MTUS2: variants seen among roughly 807,000 people sequenced by gnomAD.
MTUS2 encodes microtubule associated scaffold protein 2, also known as microtubule-associated tumor suppressor candidate 2.
Under a neutral mutation model 114.1 loss-of-function variants are expected in MTUS2, and 40 were observed. The ratio of observed to expected loss-of-function variants is 0.35; its 90% CI spans 0.27 to 0.46. The LOEUF is 0.46. MTUS2 is among the 20% of genes least tolerant of loss of function. MTUS2 has a pLI of 1.00. For missense variants in MTUS2, 1,679 were observed against 1,705.4 expected (o/e 0.98, Z 0.27); for synonymous variants, 688 against 672.0 (o/e 1.02, Z -0.37).
In MTUS2 at chr13:29,114,498, T is replaced by C. The variant is rs74968875; in HGVS notation, c.2644+13528T>C. 3.4e-3 allele frequency among the ~76,000 whole-genome samples: 512 copies of C among 152,310 alleles called. 6 individuals carry two copies. The highest frequency in any genetic ancestry group is 0.011 in the African/African-American group (470 of 41,560). On this transcript the variant is annotated intron_variant, in intron 5 of 15. Transcript: ENST00000612955. ...AAGATACCTTCATAGTGTCTAAATA[T>C]AATAGTTTCACTCTATGTAGGTAAA...
intron 5 of MTUS2, among the ~76,000 whole-genome samples, chr13:29,228,707 A>G (rs4769698): frequency 0.85 from 128,959 of 151,752 alleles, 54,904 homozygotes; most frequent in African/African-American, 0.9. Flanking sequence ...AGGGGTGCAG[A>G]GAGAGGAGAG....
chr13:28,862,791 A>G (rs1877072444), intron 2 of MTUS2, among the ~76,000 whole-genome samples: 1 of 152,252 alleles, frequency 6.6e-6, no homozygotes, highest in East Asian at 1.9e-4. Flanking sequence ...AAAATTGAAC[A>G]TGATAGTAAA....
At chr13:29,039,410 C>A (rs1887242345) in intron 4 of MTUS2, among the ~76,000 whole-genome samples, 1 of 152,216 alleles carries the variant, frequency 6.6e-6, no homozygotes, top group African/African-American at 2.4e-5. Context: ...ACCCTCTGGC[C>A]ATAGGGTCCC....
At chr13:29,345,507 T>C (rs1868573045) in intron 7 of MTUS2, among the ~76,000 whole-genome samples, 1 of 151,796 alleles carries the variant, frequency 6.6e-6, no homozygotes, top group African/African-American at 2.4e-5. Flanking sequence ...TTTTCAGAAG[T>C]TGTGATTGTT....
rs1352891321 is a variant in MTUS2, at chr13:29,362,255, G to T, written c.3117+2782G>T. Among the ~76,000 whole-genome samples the T allele has an allele frequency of 2.0e-5, 3 of 152,136 alleles. No individual in the cohort carries two copies. The East Asian group carries it at 5.8e-4, about 29-fold the overall frequency. Reference sequence around the variant, plus strand: ...CTGCCTCAGCCTCCTAAAGCACTGTGATTACAGGCATGAGCCACCATGCCC... The same window carrying T: ...CTGCCTCAGCCTCCTAAAGCACTGTTATTACAGGCATGAGCCACCATGCCC... On this transcript the variant is annotated intron_variant, in intron 8 of 15. Coordinates refer to ENST00000612955, the MANE Select transcript of MTUS2 (RefSeq NM_001033602.4).
At chr13:28,849,442 A>G (rs980820046) in intron 2 of MTUS2, among the ~76,000 whole-genome samples, 2 of 152,218 alleles carry the variant, frequency 1.3e-5, no homozygotes, top group Admixed American at 6.5e-5. Context: ...CCACAGAGGA[A>G]TATGCTCTAA....
intron 5 of MTUS2, among the ~76,000 whole-genome samples, chr13:29,203,733 T>TA (rs1032540538): frequency 4.0e-5 from 6 of 151,796 alleles, no homozygotes; most frequent in Non-Finnish European, 8.8e-5. Context: ...AATGCACTGT[T>TA]ACTCACGGTA....
intron 5 of MTUS2, among the ~76,000 whole-genome samples, chr13:29,265,171 A>G (rs900507847): frequency 7.9e-5 from 12 of 152,218 alleles, no homozygotes; most frequent in African/African-American, 2.9e-4. Context: ...CAAATTCTAT[A>G]AATCATCACT....
intron 2 of MTUS2, among the ~76,000 whole-genome samples, chr13:28,844,551 C>T (rs1875730297): frequency 6.7e-6 from 1 of 148,196 alleles, no homozygotes; most frequent in Non-Finnish European, 1.5e-5. Flanking sequence ...AGCTTTGGCA[C>T]ATAGGGAGGG....
chr13:29,302,328 TC>T (rs1012159128), intron 6 of MTUS2, among the ~76,000 whole-genome samples: 3 of 152,060 alleles, frequency 2.0e-5, no homozygotes, highest in African/African-American at 7.2e-5. Context: ...AAACCATGCT[TC>T]TCCCATGGGT....
At chr13:29,147,016 T>C (rs1188880563) in intron 5 of MTUS2, among the ~76,000 whole-genome samples, 1 of 152,198 alleles carries the variant, frequency 6.6e-6, no homozygotes, top group Non-Finnish European at 1.5e-5. Flanking sequence ...ACAGCAGTTG[T>C]TGCAAATATT....
intron 9 of MTUS2, among the ~76,000 whole-genome samples, chr13:29,444,245 C>T (rs1287967658): frequency 1.3e-5 from 2 of 152,066 alleles, no homozygotes; most frequent in Admixed American, 6.5e-5. Context: ...CCAACGTGGT[C>T]AAACCCCATC....
At chr13:29,154,907 TA>T (rs1892796543) in intron 5 of MTUS2, among the ~76,000 whole-genome samples, 1 of 152,202 alleles carries the variant, frequency 6.6e-6, no homozygotes, top group Non-Finnish European at 1.5e-5. Context: ...GTAAAGTAGC[TA>T]TTGGCACACA....
chr13:29,408,177 G>A (rs968518171), intron 8 of MTUS2, among the ~76,000 whole-genome samples: 4 of 151,536 alleles, frequency 2.6e-5, no homozygotes, highest in Admixed American at 6.6e-5. Flanking sequence ...TAATTTTAAC[G>A]GGTATATAAT....
chr13:28,948,939 G>A (rs1454368073), intron 2 of MTUS2, among the ~76,000 whole-genome samples: 1 of 152,108 alleles, frequency 6.6e-6, no homozygotes, highest in Non-Finnish European at 1.5e-5. Flanking sequence ...GGTTGTTCTG[G>A]GAGGGCTACC....
chr13:29,040,641 T>G (rs1344885559), intron 4 of MTUS2, among the ~76,000 whole-genome samples: 2 of 152,210 alleles, frequency 1.3e-5, no homozygotes, highest in African/African-American at 4.8e-5. Flanking sequence ...TTTGATTTTT[T>G]GATTATGGCA....
intron 2 of MTUS2, among the ~76,000 whole-genome samples, chr13:28,887,720 C>T (rs1444581245): frequency 6.6e-6 from 1 of 152,200 alleles, no homozygotes; most frequent in Non-Finnish European, 1.5e-5. Flanking sequence ...TATGGCTGCA[C>T]ATGTGAGGAG....
At chr13:28,997,840 A>T (rs1425599099) in intron 2 of MTUS2, among the ~76,000 whole-genome samples, 1 of 152,076 alleles carries the variant, frequency 6.6e-6, no homozygotes, top group Non-Finnish European at 1.5e-5. Flanking sequence ...TTGACTCTTT[A>T]TCCAATTTGC....
intron 7 of MTUS2, among the ~76,000 whole-genome samples, chr13:29,349,122 T>A (rs1593334180): frequency 6.6e-6 from 1 of 152,172 alleles, no homozygotes; most frequent in Non-Finnish European, 1.5e-5. Flanking sequence ...TACTGCCTTC[T>A]TTTGGCATTG....
Sources: gnomAD v4.1 joint callset for allele counts (sites outside exome capture counted in the v4.1 genomes callset) on GRCh38, gnomAD v4.1.1 for gene constraint, MANE v1.5 for transcripts, NCBI Gene and HGNC (gene_info 2026-07-23, HGNC 2026-07-21) for gene names.